Variants in TANC2 observed in about 807,000 individuals in gnomAD.
The protein encoded by TANC2 is tetratricopeptide repeat, ankyrin repeat and coiled-coil containing 2.
A neutral mutation model predicts 210.5 loss-of-function variants in TANC2; 26 were observed. The ratio of observed to expected loss-of-function variants is 0.12; its 90% CI spans 0.09 to 0.17. TANC2 has a LOEUF of 0.17. TANC2 is among the 10% of genes least tolerant of loss of function. The probability of loss-of-function intolerance (pLI) is 1.00; values close to 1 mark genes in which losing one functional copy is unlikely to be tolerated. For missense variants in TANC2, 2,129 were observed against 2,608.9 expected, an observed-to-expected ratio of 0.82 and a Z score of 4.01; for synonymous variants, 931 against 967.1, an observed-to-expected ratio of 0.96 and a Z score of 0.69.
intron 15 of TANC2, among the ~76,000 whole-genome samples, chr17:63,382,527 T>C (rs567130180): frequency 1.9e-4 from 29 of 152,242 alleles, no homozygotes; most frequent in Non-Finnish European, 4.0e-4. Context: ...TTATGAAATA[T>C]AGAAAAGTAC....
intron 17 of TANC2, among the ~76,000 whole-genome samples, chr17:63,392,622 T>G (rs1386616985): frequency 6.6e-6 from 1 of 152,186 alleles, no homozygotes; most frequent in African/African-American, 2.4e-5. Context: ...ACCATCCCCT[T>G]AGCTTTTGTA....
At chr17:63,286,380 A>G (rs2044220806) in intron 9 of TANC2, among the ~76,000 whole-genome samples, 1 of 152,158 alleles carries the variant, frequency 6.6e-6, no homozygotes, top group Non-Finnish European at 1.5e-5. Flanking sequence ...TTCACTGGGT[A>G]AAGAATTCTA....
chr17:63,171,353 G>T (rs898135438), intron 5 of TANC2, among the ~76,000 whole-genome samples: 2 of 152,092 alleles, frequency 1.3e-5, no homozygotes, highest in African/African-American at 4.8e-5. Context: ...AAAGTGCTGG[G>T]ATTATAGGCA....
intron 8 of TANC2, among the ~76,000 whole-genome samples, chr17:63,239,243 G>A (rs1311846864): frequency 2.0e-5 from 3 of 151,938 alleles, no homozygotes; most frequent in African/African-American, 7.3e-5. Flanking sequence ...CAAAATTGAT[G>A]TCAAGGGGTA....
intron 2 of TANC2, among the ~76,000 whole-genome samples, chr17:63,052,764 C>G (rs2035626597): frequency 6.6e-6 from 1 of 152,100 alleles, no homozygotes; most frequent in Admixed American, 6.5e-5. Context: ...TGAACTTAAT[C>G]CCATCTTTGT....
intron 11 of TANC2, among the ~76,000 whole-genome samples, chr17:63,333,034 T>G (rs1025745471): frequency 6.6e-6 from 1 of 152,220 alleles, no homozygotes; most frequent in African/African-American, 2.4e-5. Flanking sequence ...CTAAGAGCTC[T>G]GATGGTGACA....
intron 12 of TANC2, 124 bp downstream of exon 12, chr17:63,340,456 C>G (rs2046191182): frequency 1.3e-6 from 1 of 764,702 alleles, no homozygotes; most frequent in Non-Finnish European, 2.0e-6. Context: ...GCTGGATATC[C>G]TGTAGGATAC....
intron 7 of TANC2, among the ~76,000 whole-genome samples, chr17:63,210,227 C>T (rs1346012181): frequency 1.3e-5 from 2 of 152,190 alleles, no homozygotes; most frequent in East Asian, 1.9e-4. Context: ...AGTCTGCTTT[C>T]CCTGCTGGGA....
intron 15 of TANC2, among the ~76,000 whole-genome samples, chr17:63,384,180 C>T (rs2047702906): frequency 6.6e-6 from 1 of 152,094 alleles, no homozygotes; most frequent in Non-Finnish European, 1.5e-5. Context: ...AGCAGTCTTC[C>T]CACCTCAGCC....
intron 9 of TANC2, among the ~76,000 whole-genome samples, chr17:63,290,620 T>G (rs577843195): frequency 3.5e-3 from 533 of 152,252 alleles, no homozygotes; most frequent in Non-Finnish European, 6.4e-3. Flanking sequence ...GAACCACTGT[T>G]TTTCATTGCC....
intron 8 of TANC2, 143 bp from the exon 9 acceptor site, chr17:63,267,605 C>A: frequency 3.0e-6 from 2 of 658,814 alleles, no homozygotes; most frequent in South Asian, 2.8e-5. Flanking sequence ...GCATAAAATA[C>A]ATGTATTTTA....
chr17:63,024,841 C>T (rs1239578920), intron 2 of TANC2, among the ~76,000 whole-genome samples: 1 of 152,136 alleles, frequency 6.6e-6, no homozygotes, highest in Non-Finnish European at 1.5e-5. Flanking sequence ...ATAAATGAGA[C>T]AGTTGAGTGG....
chr17:63,283,891 A>G (rs1185549586), intron 9 of TANC2, among the ~76,000 whole-genome samples: 1 of 151,976 alleles, frequency 6.6e-6, no homozygotes, highest in Non-Finnish European at 1.5e-5. Context: ...TAATAGATTC[A>G]GTAAGATTTT....
chr17:63,003,799 C>T (rs568387062), intron 1 of TANC2, among the ~76,000 whole-genome samples: 1 of 152,022 alleles, frequency 6.6e-6, no homozygotes, highest in East Asian at 1.9e-4. Context: ...TTTTAATAAC[C>T]TCCAAATATA....
intron 17 of TANC2, among the ~76,000 whole-genome samples, chr17:63,393,753 T>C (rs1185047358): frequency 6.7e-6 from 1 of 150,258 alleles, no homozygotes; most frequent in African/African-American, 2.4e-5. Flanking sequence ...CTTGCTGCAG[T>C]AAGTATTATT....
At position 63,201,622 on chromosome 17, in the gene TANC2, C is replaced by CTTTTTTTTTTT. The variant is rs76234428; in HGVS notation, c.769+671_769+681dup. ...TTTCCCCTCGTGAATTTTCTTATAC[C>CTTTTTTTTTTT]TTTTTTTTTTTTTTTTACCAAAGAT... On this transcript the variant is annotated intron_variant, in intron 7 of 27. Coordinates refer to ENST00000689528, the Ensembl canonical transcript of TANC2. Among the ~76,000 whole-genome samples the CTTTTTTTTTTT allele has an allele frequency of 1.1e-3, 158 of 139,828 alleles. 1 individual carries two copies. Among genetic ancestry groups the CTTTTTTTTTTT allele is most frequent in the African/African-American group, 4.0e-3 (152 of 38,046 alleles). The allele number at this position is 139,828 out of a possible 152,430, so 91.7% of individuals were successfully genotyped here. A position where few individuals can be genotyped will look rare whatever the true frequency, so the allele number is the denominator to read the frequency against.
intron 1 of TANC2, among the ~76,000 whole-genome samples, chr17:63,002,916 A>G (rs187249546): frequency 1.3e-5 from 2 of 152,294 alleles, no homozygotes; most frequent in Admixed American, 6.5e-5. Flanking sequence ...GGGTATTATA[A>G]ATCTGTTATG....
intron 1 of TANC2, among the ~76,000 whole-genome samples, chr17:62,971,659 C>T (rs1037514580): frequency 6.6e-6 from 1 of 152,190 alleles, no homozygotes; most frequent in Non-Finnish European, 1.5e-5. Flanking sequence ...GCAGGGGTCT[C>T]TAACCCCTGG....
chr17:63,134,647 T>G (rs977154540), intron 4 of TANC2, among the ~76,000 whole-genome samples: 3 of 152,182 alleles, frequency 2.0e-5, no homozygotes, highest in Non-Finnish European at 2.9e-5. Flanking sequence ...ATAAATTTAA[T>G]TATCAGAACA....
Sources: allele counts gnomAD v4.1 joint callset (sites outside exome capture counted in the v4.1 genomes callset), GRCh38; gene constraint gnomAD v4.1.1; transcripts MANE v1.5; gene names NCBI Gene and HGNC (gene_info 2026-07-23, HGNC 2026-07-21).